KAT5: variants seen among roughly 807,000 people sequenced by gnomAD.
The protein encoded by KAT5 is lysine acetyltransferase 5, also known as histone acetyltransferase KAT5.
KAT5 carries 31 observed loss-of-function variants against 68.1 expected under a neutral mutation model. The ratio of observed to expected loss-of-function variants is 0.46; its 90% CI spans 0.34 to 0.61. The LOEUF (loss-of-function observed/expected upper bound fraction) is 0.61. KAT5 is among the 20% of genes least tolerant of loss of function. The probability of loss-of-function intolerance (pLI) is 0.01; values close to 1 mark genes in which losing one functional copy is unlikely to be tolerated. For synonymous variants in KAT5, 365 were observed against 292.6 expected (o/e 1.25, Z -2.52); for missense variants, 451 against 725.5 (o/e 0.62, Z 4.35).
Position 65,719,292 on chromosome 11 carries a change from C to G in KAT5, c.*111C>G. On this transcript the variant is annotated 3_prime_UTR_variant, in exon 13 of 13. Transcript: ENST00000341318. Reference sequence around the variant, plus strand: ...ACTCTAAGGGAGATGGGGCTGAGGACAGCTCAAAAAGGAGAGGACAGGCCT... The same window carrying G: ...ACTCTAAGGGAGATGGGGCTGAGGAGAGCTCAAAAAGGAGAGGACAGGCCT... 7.5e-7 allele frequency: 1 copy of G among 1,335,102 alleles called. No individual in the cohort carries two copies. The highest frequency in any genetic ancestry group is 1.0e-6 in the Non-Finnish European group (1 of 979,860). 82.7% of individuals were successfully genotyped at this position (1,335,102 alleles called of 1,614,324 possible).
At chr11:65,714,438 G>A in intron 6 of KAT5, 57 bp from the exon 7 acceptor site, 10 of 1,584,616 alleles carry the variant, frequency 6.3e-6, no homozygotes, top group Non-Finnish European at 8.6e-6. Flanking sequence ...GCTGTGAGCT[G>A]TGGTGTCCTG....
intron 10 of KAT5, chr11:65,717,904 T>A (rs1015997235): frequency 6.6e-6 from 1 of 152,462 alleles, no homozygotes; most frequent in Non-Finnish European, 1.5e-5. Flanking sequence ...CTGGGGAGAA[T>A]GAAGACACTG....
chr11:65,714,162 G>C (rs1857121927), intron 6 of KAT5: 2 of 509,548 alleles, frequency 3.9e-6, no homozygotes, highest in Non-Finnish European at 7.0e-6. Context: ...AGCCAGGCGT[G>C]GTGGCGGGTG....
In KAT5 at chr11:65,715,532, G is replaced by A. The variant is rs183206074; in HGVS notation, c.1029+622G>A. Among the ~76,000 whole-genome samples the A allele has an allele frequency of 5.4e-4, 82 of 151,990 alleles. 1 individual carries two copies. The highest frequency in any genetic ancestry group is 3.4e-4 in the Non-Finnish European group (23 of 67,960). The stretch of plus-strand genomic sequence containing the variant: ...TCCCAGCACTTTGGGAGGCTGAGGC[G>A]GGCGGATCACAAGGTCAGGAGATCG... On this transcript the variant is annotated intron_variant, in intron 8 of 12. Coordinates refer to ENST00000341318, the MANE Select transcript of KAT5 (RefSeq NM_182710.3).
In KAT5 at chr11:65,719,040, T is replaced by C. The variant is rs372541825; in HGVS notation, c.1507-7T>C. ...GACCACCTGCTGAACCCATCTCCTC[T>C]GCCCAGGGCCAGTACATCCTCACAC... is the stretch of plus-strand genomic sequence containing the variant. On this transcript the variant is annotated splice_region_variant and splice_polypyrimidine_tract_variant and intron_variant, in intron 12 of 12. Transcript: ENST00000341318. 1.9e-6 allele frequency: 3 copies of C among 1,614,006 alleles called. No individual in the cohort carries two copies. The highest frequency in any genetic ancestry group is 2.7e-5 in the African/African-American group (2 of 74,940).
Position 65,713,753 on chromosome 11 carries a change from C to T in KAT5, c.616-21C>T, listed in dbSNP as rs758079719. 10 of 1,613,818 alleles carry T rather than the reference C, an allele frequency of 6.2e-6. No homozygotes were observed. In the South Asian group the frequency reaches 8.8e-5, roughly 14 times the overall value. The stretch of plus-strand genomic sequence containing the variant: ...CAGGCTCATTTCACAGCCATCCCTT[C>T]TTTTCCTACTATCTCGGCAGAATGG... On this transcript the variant is annotated intron_variant, in intron 5 of 12. Transcript: ENST00000341318.
intron 8 of KAT5, 40 bp from the exon 9 acceptor site, chr11:65,716,627 G>T: frequency 6.2e-7 from 1 of 1,602,006 alleles, no homozygotes. Context: ...CAGGCTCAAG[G>T]CGGGATACCC....
In KAT5 at chr11:65,712,403, C is replaced by A; in HGVS notation, c.136C>A (p.Leu46Ile). The change falls in exon 1 of 13, where the codon CTA becomes ATA. Residue 46 changes from leucine (L) to isoleucine (I), a missense_variant. Leu to Ile is a conservative substitution (Grantham distance 5, BLOSUM62 2). This residue lies in a region of KAT5 where 104 missense variants were observed against 107.3 expected (regional missense o/e 0.97). Coordinates refer to ENST00000341318, the MANE Select transcript of KAT5 (RefSeq NM_182710.3). ...GGGGGAGATAATCGAGGGCTGCCGCCTACCCGTGCTGCGGCGGAACCAGGA... is the reference window on the plus strand; with the variant it reads ...GGGGGAGATAATCGAGGGCTGCCGCATACCCGTGCTGCGGCGGAACCAGGA... ...PQGEIIEGCR[L>I]PVLRRNQDNE... The A allele has an allele frequency of 6.3e-7, 1 of 1,588,380 alleles. No homozygotes were observed. Among genetic ancestry groups the A allele is most frequent in the South Asian group, 1.1e-5 (1 of 87,836 alleles).
chr11:65,717,041 G>A, intron 10 of KAT5, 59 bp downstream of exon 10: 2 of 1,286,528 alleles, frequency 1.6e-6, no homozygotes, highest in Non-Finnish European at 2.3e-6. Flanking sequence ...CTCACAGGCA[G>A]ATGGGCCAGG....
chr11:65,718,378 C>G (rs777245010), intron 10 of KAT5: 6 of 552,022 alleles, frequency 1.1e-5, no homozygotes, highest in Middle Eastern at 4.9e-4. Flanking sequence ...TCTCAGTGCC[C>G]TCATGCCCTC....
rs1388199155 is a variant in KAT5 at position 65,712,800 on chromosome 11, T to C, written c.213T>C (p.Ser71=). Residue 71 remains serine, a synonymous_variant, in exon 2 of 13, where the codon AGT becomes AGC. Coordinates refer to ENST00000341318, the MANE Select transcript of KAT5 (RefSeq NM_182710.3). ...AGATCCTGAGCGTGAAGGACATCAG[T>C]GGCCGGAAGCTTTTCTACGTCCATT... The part of the protein sequence containing the change: ...LAEILSVKDI[S]GRKLFYVHYI... 1.9e-6 allele frequency: 3 copies of C among 1,614,072 alleles called. No individual in the cohort carries two copies. In the Admixed American group the frequency reaches 5.0e-5, roughly 27 times the overall value.
At chr11:65,718,520 C>T in intron 10 of KAT5, 70 bp from the exon 11 acceptor site, 1 of 1,530,822 alleles carries the variant, frequency 6.5e-7, no homozygotes, top group Non-Finnish European at 8.9e-7. Context: ...CCTTGGCAAC[C>T]TGTGTTTTTA....
chr11:65,713,674 T>A lies in KAT5; in HGVS notation c.615+7T>A, dbSNP rs774456869. On this transcript the variant is annotated splice_region_variant and intron_variant, in intron 5 of 12. Transcript: ENST00000341318. ...GGCCTCGGTTTTTCCCCAGGTGAGT[T>A]CCCCAAACCATCTCTTGTTCTCTTC... is the stretch of plus-strand genomic sequence containing the variant. The A allele has an allele frequency of 5.0e-6, 8 of 1,613,982 alleles. No homozygotes were observed. Among genetic ancestry groups the A allele is most frequent in the Non-Finnish European group, 6.8e-6 (8 of 1,179,982 alleles).
Position 65,714,749 on chromosome 11 carries a change from A to AG in KAT5, c.939+10dup. ...AGTGTCTTCAGCGTCATTTGGTATG[A>AG]GGGGTCCAGGGAGGCTGCCTTCCCA... On this transcript the variant is annotated splice_region_variant and intron_variant, in intron 7 of 12. Transcript: ENST00000341318. 6.2e-7 allele frequency: 1 copy of AG among 1,614,132 alleles called. No homozygotes were observed. The highest frequency in any genetic ancestry group is 1.1e-5 in the South Asian group (1 of 91,088).
chr11:65,716,461 A>G, intron 8 of KAT5: 1 of 588,682 alleles, frequency 1.7e-6, no homozygotes, highest in Non-Finnish European at 3.0e-6. Flanking sequence ...ACCATCACAC[A>G]TCTGGCACAC....
chr11:65,713,677 C>T lies in KAT5; in HGVS notation c.615+10C>T. ...CTCGGTTTTTCCCCAGGTGAGTTCC[C>T]CAAACCATCTCTTGTTCTCTTCCTC... On this transcript the variant is annotated intron_variant, in intron 5 of 12. Transcript: ENST00000341318. 3 of 1,614,148 alleles carry T rather than the reference C, an allele frequency of 1.9e-6. No homozygotes were observed. Among genetic ancestry groups the T allele is most frequent in the African/African-American group, 2.7e-5 (2 of 75,050 alleles).
intron 6 of KAT5, 194 bp downstream of exon 6, chr11:65,714,042 C>T (rs993932755): frequency 2.6e-5 from 16 of 612,414 alleles, no homozygotes; most frequent in African/African-American, 7.4e-5. Context: ...TACCTGTAAT[C>T]CCAGCACTTT....
At chr11:65,713,526 C>T (rs1444442563) in intron 4 of KAT5, 23 bp downstream of exon 4, 1 of 1,614,034 alleles carries the variant, frequency 6.2e-7, no homozygotes. Context: ...ATTCCAGGGA[C>T]CTTGCTTTCT....
intron 10 of KAT5, 189 bp from the exon 11 acceptor site, chr11:65,718,401 C>T (rs539934831): frequency 1.2e-4 from 75 of 628,816 alleles, no homozygotes; most frequent in East Asian, 1.0e-3. Flanking sequence ...CTGTGCTCAG[C>T]GCACGGAAAG....
Sources: gnomAD v4.1 joint callset for allele counts (sites outside exome capture counted in the v4.1 genomes callset) on GRCh38, gnomAD v4.1.1 for gene constraint, gnomAD v4.1.1 regional missense constraint, MANE v1.5 for transcripts, NCBI Gene and HGNC (gene_info 2026-07-23, HGNC 2026-07-21) for gene names.